ENOSF1: variants seen among roughly 807,000 people sequenced by gnomAD.
ENOSF1 encodes mitochondrial enolase superfamily member 1.
In ENOSF1, 73 loss-of-function variants were observed where a neutral mutation model predicts 68.2. The ratio of observed to expected loss-of-function variants is 1.07; its 90% CI spans 0.89 to 1.30. ENOSF1 has a LOEUF of 1.30. Among genes scored for constraint, ENOSF1 ranks in the 50% most tolerant of loss-of-function variants. The probability of loss-of-function intolerance (pLI) is 0.00; values close to 1 mark genes in which losing one functional copy is unlikely to be tolerated. For synonymous variants in ENOSF1, 223 were observed against 210.4 expected (o/e 1.06, Z -0.52); for missense variants, 589 against 554.5 (o/e 1.06, Z -0.62).
At chr18:681,308 C>A (rs534687406) in intron 11 of ENOSF1, among the ~76,000 whole-genome samples, 4 of 152,218 alleles carry the variant, frequency 2.6e-5, no homozygotes, top group Non-Finnish European at 4.4e-5. Context: ...CCACTGCCCC[C>A]GCCTGGACCT....
At chr18:675,822 T>C (rs77467426) in intron 14 of ENOSF1, among the ~76,000 whole-genome samples, 1 of 66,556 alleles carries the variant, frequency 1.5e-5, no homozygotes, top group Non-Finnish European at 3.1e-5. Context: ...TTGGGGTTTT[T>C]TTGGCAGGTA....
Position 706,518 on chromosome 18 carries a change from T to C in ENOSF1, c.145A>G (p.Ile49Val). ...GTGAAGGTAATTCCACACCCCTTGA[T>C]TCCATCTTCTGCATCAGTTTCTATG... ...VVIETDAEDG[I>V]KGCGITFTLG... Residue 49 changes from isoleucine to valine, a missense_variant, in exon 2 of 16, where the codon ATC (isoleucine) becomes GTC (valine). Coordinates refer to ENST00000647584, the MANE Select transcript of ENOSF1 (RefSeq NM_017512.7). 6.2e-7 allele frequency: 1 copy of C among 1,614,000 alleles called. No individual in the cohort carries two copies. The highest frequency in any genetic ancestry group is 8.5e-7 in the Non-Finnish European group (1 of 1,179,944).
intron 3 of ENOSF1, among the ~76,000 whole-genome samples, chr18:695,060 C>T (rs1237297685): frequency 6.6e-6 from 1 of 152,288 alleles, no homozygotes; most frequent in East Asian, 1.9e-4. Flanking sequence ...TCAAATGTCA[C>T]CAGTTTTTTC....
rs753909854 is a variant in ENOSF1, at chr18:694,235, TGA to T, written c.396+11_396+12del. 1.4e-4 allele frequency: 223 copies of T among 1,613,548 alleles called. No individual in the cohort carries two copies. The highest frequency in any genetic ancestry group is 1.8e-4 in the Non-Finnish European group (216 of 1,179,716). On this transcript the variant is annotated intron_variant, in intron 4 of 15. Coordinates refer to ENST00000647584, the MANE Select transcript of ENOSF1 (RefSeq NM_017512.7). ...CTCCCAGGAGCCTCCTGAGCGTTTGTGAGAGGGGTTACCTTTCCCTCCTGCTT... is the reference window on the plus strand; with the variant it reads ...CTCCCAGGAGCCTCCTGAGCGTTTGTGAGGGGTTACCTTTCCCTCCTGCTT...
intron 1 of ENOSF1, chr18:707,582 C>T (rs2079069040): frequency 6.6e-6 from 1 of 152,068 alleles, no homozygotes; most frequent in Admixed American, 6.6e-5. Flanking sequence ...TGTTCTATGT[C>T]ATGGAATAAT....
At chr18:688,730 T>A in intron 8 of ENOSF1, 122 bp from the exon 9 acceptor site, 3 of 828,522 alleles carry the variant, frequency 3.6e-6, no homozygotes, top group Non-Finnish European at 4.0e-6. Flanking sequence ...GTAACACCCA[T>A]GTGTTGTTGA....
Position 688,671 on chromosome 18 carries a change from G to A in ENOSF1, c.619-63C>T. 4 of 1,421,198 alleles carry A rather than the reference G, an allele frequency of 2.8e-6. No homozygotes were observed. The Admixed American group carries it at 5.0e-5, about 18-fold the overall frequency. 88.0% of individuals were successfully genotyped at this position (1,421,198 alleles called of 1,614,324 possible). Reference sequence around the variant, plus strand: ...GCCCCTTGGTCTGACCAGGAAGTCAGTCATTGCTGATCTGTTTCACAAGCA... The same window carrying A: ...GCCCCTTGGTCTGACCAGGAAGTCAATCATTGCTGATCTGTTTCACAAGCA... On this transcript the variant is annotated intron_variant, in intron 8 of 15. Transcript: ENST00000647584.
chr18:682,494 A>C (rs1473977534), intron 11 of ENOSF1, among the ~76,000 whole-genome samples: 1 of 152,160 alleles, frequency 6.6e-6, no homozygotes. Flanking sequence ...TTATATAGGC[A>C]GTCTTTCACT....
the ENOSF1 span, among the ~76,000 whole-genome samples, chr18:665,049 G>T: frequency 1.3e-5 from 2 of 151,978 alleles, no homozygotes; most frequent in African/African-American, 4.8e-5. Flanking sequence ...AGTTAGGGAG[G>T]ATTCCCTCTT....
At chr18:694,526 G>T (rs1214017177) in intron 3 of ENOSF1, among the ~76,000 whole-genome samples, 192 bp from the exon 4 acceptor site, 2 of 151,912 alleles carry the variant, frequency 1.3e-5, no homozygotes, top group Non-Finnish European at 1.5e-5. Flanking sequence ...TACTCAGGAG[G>T]CTGAGGCAAG....
downstream of ENOSF1, chr18:668,991 G>GTCT: frequency 5.9e-6 from 7 of 1,190,340 alleles, no homozygotes; most frequent in Non-Finnish European, 8.6e-6. Flanking sequence ...GTAAGAGACT[G>GTCT]TAATAGATGA....
At chr18:700,891 A>C (rs1411672178) in intron 2 of ENOSF1, among the ~76,000 whole-genome samples, 6 of 28,716 alleles carry the variant, frequency 2.1e-4, no homozygotes, top group East Asian at 1.4e-3. Flanking sequence ...ACTCTGCCTC[A>C]AAAAAAAAAA....
chr18:666,633 C>A (rs1471576217), downstream of ENOSF1, among the ~76,000 whole-genome samples: 4 of 152,196 alleles, frequency 2.6e-5, no homozygotes, highest in African/African-American at 9.7e-5. Flanking sequence ...CACCTCCAGC[C>A]ACCTGGAGGA....
intron 1 of ENOSF1, among the ~76,000 whole-genome samples, chr18:707,118 C>T (rs1369169923): frequency 1.3e-5 from 2 of 151,932 alleles, no homozygotes; most frequent in East Asian, 1.9e-4. Flanking sequence ...CGCACCTGGT[C>T]GCAATGTATA....
At chr18:709,102 T>C (rs1487351288) in intron 1 of ENOSF1, among the ~76,000 whole-genome samples, 1 of 152,202 alleles carries the variant, frequency 6.6e-6, no homozygotes, top group Non-Finnish European at 1.5e-5. Flanking sequence ...ACTTCCGATT[T>C]AGACAAACTG....
chr18:701,260 C>T (rs2078310401), intron 2 of ENOSF1, among the ~76,000 whole-genome samples: 2 of 152,068 alleles, frequency 1.3e-5, no homozygotes, highest in Admixed American at 1.3e-4. Flanking sequence ...CTAAGAGTGA[C>T]CCCTATTGTA....
rs970919656 is a variant in ENOSF1 at position 672,447 on chromosome 18, C to T, written c.*1858G>A. ...TCATCCCAGGAATCCTGGCTTTCAT[C>T]CCTTTCTGTTCACTGTCCATGCATG... is the stretch of plus-strand genomic sequence containing the variant. On this transcript the variant is annotated 3_prime_UTR_variant, in exon 16 of 16. Coordinates refer to ENST00000647584, the MANE Select transcript of ENOSF1 (RefSeq NM_017512.7). 1 of 155,208 alleles carries T rather than the reference C, an allele frequency of 6.4e-6. No homozygotes were observed. The highest frequency in any genetic ancestry group is 6.3e-5 in the Admixed American group (1 of 15,856). 9.6% of individuals were successfully genotyped at this position (155,208 alleles called of 1,614,324 possible).
At chr18:696,914 C>T (rs1024212457) in intron 3 of ENOSF1, among the ~76,000 whole-genome samples, 1 of 152,170 alleles carries the variant, frequency 6.6e-6, no homozygotes, top group Non-Finnish European at 1.5e-5. Context: ...GTCAGGAGTT[C>T]GAGACCAGCC....
At chr18:701,656 C>G (rs2078356534) in intron 2 of ENOSF1, among the ~76,000 whole-genome samples, 1 of 151,518 alleles carries the variant, frequency 6.6e-6, no homozygotes, top group Non-Finnish European at 1.5e-5. Context: ...ACTGGAGAGG[C>G]TGAGGCAGGA....
Sources: gnomAD v4.1 joint callset for allele counts (sites outside exome capture counted in the v4.1 genomes callset) on GRCh38, gnomAD v4.1.1 for gene constraint, MANE v1.5 for transcripts, NCBI Gene and HGNC (gene_info 2026-07-23, HGNC 2026-07-21) for gene names.